Variants in PLPPR1 observed in about 807,000 individuals in gnomAD.
PLPPR1 encodes phospholipid phosphatase-related protein type 1.
In PLPPR1, 10 loss-of-function variants were observed where a neutral mutation model predicts 33.1. The ratio of observed to expected loss-of-function variants is 0.30; its 90% CI spans 0.19 to 0.51. The LOEUF (loss-of-function observed/expected upper bound fraction) is 0.51. Among genes scored for constraint, PLPPR1 ranks in the 20% least tolerant of loss-of-function variants. The pLI is 0.97. For synonymous variants in PLPPR1, 151 were observed against 151.0 expected (o/e 1.00, Z 0.00); for missense variants, 304 against 408.1 (o/e 0.74, Z 2.20).
chr9:101,041,603 G>A (rs923639032), intron 1 of PLPPR1, among the ~76,000 whole-genome samples: 1 of 152,130 alleles, frequency 6.6e-6, no homozygotes, highest in East Asian at 1.9e-4. Flanking sequence ...GCTGACAGAT[G>A]TTCTTATGTG....
At chr9:101,173,786 C>T (rs2118694674) in intron 1 of PLPPR1, among the ~76,000 whole-genome samples, 1 of 152,254 alleles carries the variant, frequency 6.6e-6, no homozygotes, top group South Asian at 2.1e-4. Flanking sequence ...ATGGCAAAGT[C>T]TGTAGAAATT....
chr9:101,128,872 C>T (rs545699661), intron 1 of PLPPR1, among the ~76,000 whole-genome samples: 1 of 152,240 alleles, frequency 6.6e-6, no homozygotes, highest in East Asian at 1.9e-4. Context: ...CATCTTTTTC[C>T]TCTCTCTAAT....
chr9:101,145,427 A>G (rs780939122), intron 1 of PLPPR1, among the ~76,000 whole-genome samples: 28 of 152,084 alleles, frequency 1.8e-4, no homozygotes, highest in Non-Finnish European at 3.4e-4. Flanking sequence ...TGTCACTGAG[A>G]CTGGAGTGCA....
intron 1 of PLPPR1, among the ~76,000 whole-genome samples, chr9:101,151,829 A>G (rs1382116316): frequency 6.6e-6 from 1 of 152,180 alleles, no homozygotes; most frequent in Admixed American, 6.5e-5. Flanking sequence ...GACAGAAGCA[A>G]TCGGTTTGCC....
intron 2 of PLPPR1, among the ~76,000 whole-genome samples, chr9:101,221,209 G>A (rs186500566): frequency 6.6e-6 from 1 of 152,206 alleles, no homozygotes; most frequent in East Asian, 1.9e-4. Context: ...AGTATACGCT[G>A]CACTGTATTT....
At chr9:101,301,420 C>A (rs914608526) in intron 4 of PLPPR1, among the ~76,000 whole-genome samples, 1 of 152,184 alleles carries the variant, frequency 6.6e-6, no homozygotes. Context: ...GTTTTTACAA[C>A]TGTTTTTTAT....
chr9:101,297,290 T>A (rs1175691594), intron 4 of PLPPR1, among the ~76,000 whole-genome samples: 1 of 152,214 alleles, frequency 6.6e-6, no homozygotes, highest in Non-Finnish European at 1.5e-5. Flanking sequence ...CAGTCTTCAG[T>A]GTGGATAGAA....
intron 3 of PLPPR1, among the ~76,000 whole-genome samples, chr9:101,282,011 C>T (rs1010260819): frequency 7.2e-5 from 11 of 152,112 alleles, no homozygotes; most frequent in Admixed American, 3.3e-4. Flanking sequence ...AAACTGATAT[C>T]GCACCTTTTC....
chr9:101,080,407 G>A (rs771232214), intron 1 of PLPPR1, among the ~76,000 whole-genome samples: 1 of 152,124 alleles, frequency 6.6e-6, no homozygotes, highest in South Asian at 2.1e-4. Context: ...CCAGCTGCTT[G>A]AGAGTCTGAG....
chr9:101,050,266 AT>A, intron 1 of PLPPR1, among the ~76,000 whole-genome samples: 1 of 151,702 alleles, frequency 6.6e-6, no homozygotes, highest in East Asian at 1.9e-4. Flanking sequence ...AATTGATTTG[AT>A]TTTTCCTCAA....
intron 1 of PLPPR1, among the ~76,000 whole-genome samples, chr9:101,138,590 A>C (rs1395786346): frequency 2.6e-5 from 4 of 152,204 alleles, no homozygotes; most frequent in Non-Finnish European, 5.9e-5. Flanking sequence ...TTATGCTCTT[A>C]GCTACCAGAA....
chr9:101,083,711 AAAG>A (rs975426789), intron 1 of PLPPR1, among the ~76,000 whole-genome samples: 5 of 152,302 alleles, frequency 3.3e-5, no homozygotes, highest in African/African-American at 1.2e-4. Context: ...TATCTATTTT[AAAG>A]AAGAAGGCTT....
At chr9:101,274,819 G>GC (rs952179522) in intron 3 of PLPPR1, among the ~76,000 whole-genome samples, 2 of 152,076 alleles carry the variant, frequency 1.3e-5, no homozygotes, top group African/African-American at 4.8e-5. Context: ...TCACAGCTTT[G>GC]CCCCCAGTAA....
At chr9:101,212,221 T>C (rs1826704431) in intron 2 of PLPPR1, among the ~76,000 whole-genome samples, 2 of 152,086 alleles carry the variant, frequency 1.3e-5, no homozygotes, top group African/African-American at 2.4e-5. Flanking sequence ...TAGCTGGGAT[T>C]ACAGACATGT....
At chr9:101,319,032 T>C (rs1829106053) in intron 7 of PLPPR1, among the ~76,000 whole-genome samples, 1 of 152,226 alleles carries the variant, frequency 6.6e-6, no homozygotes, top group Non-Finnish European at 1.5e-5. Context: ...TACTCAAGCA[T>C]TTTTATAGAA....
At position 101,087,996 on chromosome 9, in the gene PLPPR1, G is replaced by A. The variant is rs187041280; in HGVS notation, c.-46+58894G>A. 1.8e-4 allele frequency among the ~76,000 whole-genome samples: 27 copies of A among 152,258 alleles called. No individual in the cohort carries two copies. The East Asian group carries it at 5.2e-3, about 29-fold the overall frequency. On this transcript the variant is annotated intron_variant, in intron 1 of 7. Transcript: ENST00000374874. The stretch of plus-strand genomic sequence containing the variant: ...AGCAGAGAGACTGGTACATGGTAGA[G>A]AGTTTGTCAACACTGCACGAACAAA...
At chr9:101,029,787 TAGGA>T (rs1829919460) in intron 1 of PLPPR1, among the ~76,000 whole-genome samples, 1 of 152,150 alleles carries the variant, frequency 6.6e-6, no homozygotes, top group South Asian at 2.1e-4. Context: ...CGGAGGACGC[TAGGA>T]TCTCTCCTCC....
intron 4 of PLPPR1, among the ~76,000 whole-genome samples, chr9:101,298,615 G>T (rs960957428): frequency 6.6e-6 from 1 of 152,022 alleles, no homozygotes; most frequent in African/African-American, 2.4e-5. Context: ...AGTATTTATA[G>T]TTAAAATACA....
chr9:101,092,211 G>A (rs1830750178), intron 1 of PLPPR1, among the ~76,000 whole-genome samples: 1 of 152,260 alleles, frequency 6.6e-6, no homozygotes, highest in African/African-American at 2.4e-5. Context: ...CATTTTAAAT[G>A]TCACTTTCTT....
Sources: allele counts gnomAD v4.1 joint callset (sites outside exome capture counted in the v4.1 genomes callset), GRCh38; gene constraint gnomAD v4.1.1; transcripts MANE v1.5; gene names NCBI Gene and HGNC (gene_info 2026-07-23, HGNC 2026-07-21).